The following LCMT1 variants were observed in gnomAD, a reference collection of about 807,000 sequenced individuals.
LCMT1 encodes [Phosphatase 2A protein]-leucine-carboxy methyltransferase 1.
In LCMT1, 32 loss-of-function variants were observed where a neutral mutation model predicts 47.7. The ratio of observed to expected loss-of-function variants is 0.67; its 90% confidence interval spans 0.51 to 0.90. LCMT1 has a LOEUF of 0.90. LCMT1 is among the 40% of genes least tolerant of loss of function. The pLI is 0.00. For synonymous variants in LCMT1, 152 were observed against 149.7 expected (o/e 1.02, Z -0.11); for missense variants, 375 against 415.2 (o/e 0.90, Z 0.84).
intron 9 of LCMT1, among the ~76,000 whole-genome samples, chr16:25,173,635 T>C (rs982410873): frequency 6.6e-6 from 1 of 152,238 alleles, no homozygotes; most frequent in Non-Finnish European, 1.5e-5. Flanking sequence ...TTTCTTTTTT[T>C]ATTTTATTCT....
chr16:25,141,026 T>C (rs1219690854), intron 4 of LCMT1: 2 of 152,138 alleles, frequency 1.3e-5, no homozygotes, highest in Admixed American at 1.3e-4. Flanking sequence ...CGTCCCTGCC[T>C]AACTTTAGGG....
At chr16:25,165,953 TTC>T (rs1393255334) in intron 7 of LCMT1, among the ~76,000 whole-genome samples, 1 of 152,160 alleles carries the variant, frequency 6.6e-6, no homozygotes, top group Non-Finnish European at 1.5e-5. Flanking sequence ...CTATTTTTTG[TTC>T]TCTCTGAGCC....
intron 1 of LCMT1, among the ~76,000 whole-genome samples, chr16:25,124,384 G>A (rs572021953): frequency 6.6e-6 from 1 of 152,338 alleles, no homozygotes; most frequent in African/African-American, 2.4e-5. Flanking sequence ...ATCCAGGTGA[G>A]TAAATTTGAA....
intron 1 of LCMT1, among the ~76,000 whole-genome samples, chr16:25,120,451 G>A (rs1330152657): frequency 6.7e-6 from 1 of 148,912 alleles, no homozygotes; most frequent in Admixed American, 6.7e-5. Context: ...TTGAGACAGA[G>A]TCTCGCTCTG....
chr16:25,127,073 A>G (rs1960212840), intron 1 of LCMT1, among the ~76,000 whole-genome samples: 1 of 152,198 alleles, frequency 6.6e-6, no homozygotes, highest in Non-Finnish European at 1.5e-5. Context: ...CACACTTGAA[A>G]CAAAAGTAGG....
At position 25,161,201 on chromosome 16, in the gene LCMT1, C is replaced by G; in HGVS notation, c.566C>G (p.Thr189Arg). ...AAGCTAAAGAAATGTAACATGAATA[C>G]ACAGTGAGATTTTTTTTTTTAAACC... The part of the protein sequence containing the change: ...EEKLKKCNMN[T>R]QLPTLLIAEC... Residue 189 changes from threonine to arginine, a missense_variant, in exon 6 of 11, where the codon ACA becomes AGA. Thr to Arg is a moderately conservative substitution (Grantham distance 71). Coordinates refer to ENST00000399069, the MANE Select transcript of LCMT1 (RefSeq NM_016309.3). The G allele has an allele frequency of 6.3e-7, 1 of 1,577,734 alleles. No individual in the cohort carries two copies. The highest frequency in any genetic ancestry group is 1.3e-5 in the African/African-American group (1 of 74,264).
chr16:25,131,223 A>T (rs375313319), intron 2 of LCMT1, among the ~76,000 whole-genome samples: 30 of 152,364 alleles, frequency 2.0e-4, no homozygotes, highest in African/African-American at 7.2e-4. Flanking sequence ...GGTTTCTGAA[A>T]ACAAGGACAT....
chr16:25,125,704 T>C (rs1960150601), intron 1 of LCMT1, among the ~76,000 whole-genome samples: 1 of 151,584 alleles, frequency 6.6e-6, no homozygotes, highest in African/African-American at 2.4e-5. Context: ...TGGTGGCGGG[T>C]GCCTGTAATC....
intron 5 of LCMT1, among the ~76,000 whole-genome samples, chr16:25,156,932 C>A (rs1160447362): frequency 6.8e-6 from 1 of 147,056 alleles, no homozygotes; most frequent in East Asian, 2.0e-4. Flanking sequence ...AGGCTGTCTC[C>A]ATTTTACCTT....
rs796407666 is a variant in LCMT1, at chr16:25,136,471, CT to C, written c.328-3686del. 5.7e-3 allele frequency among the ~76,000 whole-genome samples: 819 copies of C among 143,854 alleles called. 1 individual carries two copies. The highest frequency in any genetic ancestry group is 7.0e-3 in the African/African-American group (278 of 39,452). 94.4% of individuals were successfully genotyped at this position (143,854 alleles called of 152,430 possible). ...GCCCCTTTCTCAAGAAACAGGATAT[CT>C]TTTTTTTTTTTTTAAGTTCTGGGGT... is the stretch of plus-strand genomic sequence containing the variant. On this transcript the variant is annotated intron_variant, in intron 3 of 10. Transcript: ENST00000399069.
chr16:25,146,368 G>A (rs1960853819), intron 4 of LCMT1: 1 of 152,476 alleles, frequency 6.6e-6, no homozygotes, highest in South Asian at 2.1e-4. Context: ...GGTGAGGAGT[G>A]GCGGCTGGCC....
chr16:25,128,632 T>C (rs763766553), intron 2 of LCMT1, 66 bp downstream of exon 2: 22 of 1,239,814 alleles, frequency 1.8e-5, no homozygotes, highest in South Asian at 2.6e-5. Context: ...GGTTCATTCT[T>C]GAAGGAAGTC....
intron 4 of LCMT1, chr16:25,143,155 A>T (rs1385059999): frequency 3.3e-5 from 5 of 152,126 alleles, no homozygotes; most frequent in Admixed American, 6.6e-5. Flanking sequence ...TCCTAAATCG[A>T]TACTGTAATT....
At chr16:25,132,601 A>T in intron 3 of LCMT1, 78 bp downstream of exon 3, 1 of 1,487,592 alleles carries the variant, frequency 6.7e-7, no homozygotes, top group South Asian at 1.2e-5. Context: ...CGAAATGTAA[A>T]CATATATTAA....
chr16:25,148,415 G>C (rs1465000798), intron 4 of LCMT1, among the ~76,000 whole-genome samples: 1 of 152,206 alleles, frequency 6.6e-6, no homozygotes, highest in African/African-American at 2.4e-5. Flanking sequence ...ACAGAGAAAA[G>C]CTCACAGGCT....
At chr16:25,139,142 C>T (rs528096878) in intron 3 of LCMT1, among the ~76,000 whole-genome samples, 5 of 152,214 alleles carry the variant, frequency 3.3e-5, no homozygotes, top group Middle Eastern at 3.4e-3. Context: ...GGTCTCTTGA[C>T]CTTGTGATCC....
chr16:25,138,621 C>G (rs1040912926), intron 3 of LCMT1, among the ~76,000 whole-genome samples: 2 of 152,126 alleles, frequency 1.3e-5, no homozygotes, highest in African/African-American at 4.8e-5. Flanking sequence ...GCCAGGGCCC[C>G]CATCTCTATA....
intron 9 of LCMT1, among the ~76,000 whole-genome samples, chr16:25,171,734 T>G (rs1961780291): frequency 6.6e-6 from 1 of 152,206 alleles, no homozygotes; most frequent in Non-Finnish European, 1.5e-5. Flanking sequence ...AATCTATGCT[T>G]CTTGTTCTAA....
At chr16:25,126,108 G>C (rs753558228) in intron 1 of LCMT1, 2 of 1,351,736 alleles carry the variant, frequency 1.5e-6, no homozygotes, top group South Asian at 1.1e-5. Context: ...AGTCACCTGG[G>C]TTTGCGGAGT....
Sources: gnomAD v4.1 joint callset for allele counts (sites outside exome capture counted in the v4.1 genomes callset) on GRCh38, gnomAD v4.1.1 for gene constraint, MANE v1.5 for transcripts, NCBI Gene and HGNC (gene_info 2026-07-23, HGNC 2026-07-21) for gene names.